Variants in CNTNAP5 observed in about 807,000 individuals in gnomAD.
CNTNAP5 encodes the protein contactin-associated protein-like 5.
Under a neutral mutation model 150.2 loss-of-function variants are expected in CNTNAP5, and 72 were observed. The observed-to-expected ratio is 0.48, with a 90% confidence interval of 0.40 to 0.58. The LOEUF is 0.58. Ranked by LOEUF, CNTNAP5 falls within the 20% of genes least tolerant of loss-of-function variation. CNTNAP5 has a pLI of 0.00. For synonymous variants in CNTNAP5, 672 were observed against 619.8 expected (o/e 1.08, Z -1.25); for missense variants, 1,636 against 1,626.2 (o/e 1.01, Z -0.10).
At chr2:124,790,263 A>T (rs1211783328) in intron 18 of CNTNAP5, 122 bp downstream of exon 18, 1 of 1,072,118 alleles carries the variant, frequency 9.3e-7, no homozygotes, top group African/African-American at 1.6e-5. Context: ...CTGTTTAGAG[A>T]GTCTGCATAG....
chr2:124,376,775 A>G (rs1295568773), intron 3 of CNTNAP5, among the ~76,000 whole-genome samples: 2 of 151,994 alleles, frequency 1.3e-5, no homozygotes, highest in Admixed American at 6.6e-5. Flanking sequence ...GTGAGCATCC[A>G]CAGAGAGTTC....
intron 10 of CNTNAP5, among the ~76,000 whole-genome samples, chr2:124,535,606 CAAAAAAAAAAAAA>C (rs1168717177): frequency 1.3e-5 from 1 of 76,018 alleles, no homozygotes; most frequent in Non-Finnish European, 2.5e-5. Flanking sequence ...TACTGAAATA[CAAAAAAAAAAAAA>C]AAAAAAAATT....
intron 13 of CNTNAP5, among the ~76,000 whole-genome samples, chr2:124,655,999 A>AAAGAAAGAAGG (rs1317556643): frequency 0.03 from 2,647 of 89,002 alleles, 47 homozygotes; most frequent in Non-Finnish European, 0.041. Flanking sequence ...AAGAAAGAAA[A>AAAGAAAGAAGG]AAGGAAGGAA....
chr2:124,200,532 A>C (rs1398584561), intron 1 of CNTNAP5, among the ~76,000 whole-genome samples: 1 of 151,788 alleles, frequency 6.6e-6, no homozygotes, highest in African/African-American at 2.4e-5. Context: ...AATTGTGGTA[A>C]AAAAAAACAC....
chr2:124,067,499 T>C (rs1682190490), intron 1 of CNTNAP5, among the ~76,000 whole-genome samples: 1 of 152,316 alleles, frequency 6.6e-6, no homozygotes, highest in South Asian at 2.1e-4. Flanking sequence ...ATAAGTGTAA[T>C]TGCCTTTAGA....
chr2:124,845,630 G>T (rs1573656449), intron 19 of CNTNAP5, among the ~76,000 whole-genome samples: 1 of 151,642 alleles, frequency 6.6e-6, no homozygotes, highest in South Asian at 2.1e-4. Context: ...TTTTATTTTG[G>T]TGGCTATCTT....
chr2:124,699,687 G>A (rs1679478731), intron 13 of CNTNAP5, among the ~76,000 whole-genome samples: 1 of 152,166 alleles, frequency 6.6e-6, no homozygotes, highest in South Asian at 2.1e-4. Context: ...ATTGATGGAG[G>A]TGGTCAAGAC....
At chr2:124,801,839 A>T (rs1681974214) in intron 19 of CNTNAP5, among the ~76,000 whole-genome samples, 1 of 152,192 alleles carries the variant, frequency 6.6e-6, no homozygotes, top group Non-Finnish European at 1.5e-5. Flanking sequence ...TGAAAAAAAA[A>T]TACCTGTGAA....
chr2:124,803,613 G>A (rs1682017352), intron 19 of CNTNAP5, among the ~76,000 whole-genome samples: 1 of 152,146 alleles, frequency 6.6e-6, no homozygotes, highest in Non-Finnish European at 1.5e-5. Context: ...CTTTGCTTCA[G>A]GATTTCCTTT....
chr2:124,399,458 T>C (rs1691348821), intron 3 of CNTNAP5, among the ~76,000 whole-genome samples: 1 of 152,160 alleles, frequency 6.6e-6, no homozygotes, highest in Non-Finnish European at 1.5e-5. Flanking sequence ...AAATTATCTT[T>C]GGCGAAAATT....
intron 13 of CNTNAP5, among the ~76,000 whole-genome samples, chr2:124,727,381 T>C (rs1680180421): frequency 6.6e-6 from 1 of 152,010 alleles, no homozygotes; most frequent in Non-Finnish European, 1.5e-5. Flanking sequence ...ATTAAAATTA[T>C]GATAATGATT....
chr2:124,217,546 A>G (rs1431156532), intron 1 of CNTNAP5, among the ~76,000 whole-genome samples: 1 of 152,166 alleles, frequency 6.6e-6, no homozygotes, highest in Non-Finnish European at 1.5e-5. Context: ...GAGAGAATGA[A>G]GGCGCAATGT....
At chr2:124,733,656 A>C (rs1680321876) in intron 13 of CNTNAP5, among the ~76,000 whole-genome samples, 1 of 152,190 alleles carries the variant, frequency 6.6e-6, no homozygotes, top group Non-Finnish European at 1.5e-5. Flanking sequence ...GAGGTATTGA[A>C]GAGCAGATTG....
chr2:124,410,696 A>C (rs1422036419), intron 3 of CNTNAP5, among the ~76,000 whole-genome samples: 1 of 151,798 alleles, frequency 6.6e-6, no homozygotes, highest in Non-Finnish European at 1.5e-5. Flanking sequence ...ACAAAGACAC[A>C]ACATACCAGA....
chr2:124,772,073 C>T (rs1681212562), intron 16 of CNTNAP5, among the ~76,000 whole-genome samples: 3 of 151,732 alleles, frequency 2.0e-5, no homozygotes, highest in South Asian at 2.1e-4. Context: ...AACATTATGC[C>T]CACCACCACC....
chr2:124,227,633 CGTGTGTATGTGTGTGTGTGT>C (rs1165286250), intron 2 of CNTNAP5, among the ~76,000 whole-genome samples: 22 of 122,020 alleles, frequency 1.8e-4, no homozygotes, highest in African/African-American at 7.0e-4. Flanking sequence ...CTCAGCACAT[CGTGTGTATGTGTGTGTGTGT>C]GTGTGTGTGT....
chr2:124,217,939 A>G (rs114224295), intron 1 of CNTNAP5, among the ~76,000 whole-genome samples: 2,311 of 152,258 alleles, frequency 0.015, 71 homozygotes, highest in African/African-American at 0.053. Context: ...GAATCATCCA[A>G]TCAAGAGAAG....
chr2:124,574,530 TTAAAA>T (rs1272846573), intron 11 of CNTNAP5, among the ~76,000 whole-genome samples: 2 of 152,232 alleles, frequency 1.3e-5, no homozygotes, highest in Non-Finnish European at 2.9e-5. Context: ...AAATAGGCTT[TTAAAA>T]TAAAACAGGT....
intron 7 of CNTNAP5, among the ~76,000 whole-genome samples, chr2:124,501,468 G>C (rs543748842): frequency 2.6e-4 from 39 of 152,150 alleles, no homozygotes; most frequent in Non-Finnish European, 5.0e-4. Context: ...ATAGGCCACT[G>C]ACCATTTGCC....
Sources: allele counts gnomAD v4.1 joint callset (sites outside exome capture counted in the v4.1 genomes callset), GRCh38; gene constraint gnomAD v4.1.1; transcripts MANE v1.5; gene names NCBI Gene and HGNC (gene_info 2026-07-23, HGNC 2026-07-21).